The following TAFA2 variants were observed in gnomAD, a reference collection of about 807,000 sequenced individuals.
TAFA2 encodes chemokine-like protein TAFA-2.
Under a neutral mutation model 18.8 loss-of-function variants are expected in TAFA2, and 7 were observed. That is an observed-to-expected ratio of 0.37 (90% CI 0.21 to 0.70). TAFA2 has a LOEUF of 0.70. Ranked by LOEUF, TAFA2 falls within the 30% of genes least tolerant of loss-of-function variation. TAFA2 has a pLI of 0.53. For synonymous variants in TAFA2, 60 were observed against 54.2 expected, an observed-to-expected ratio of 1.11 and a Z score of -0.47; for missense variants, 122 against 158.1, an observed-to-expected ratio of 0.77 and a Z score of 1.23.
intron 1 of TAFA2, among the ~76,000 whole-genome samples, chr12:62,015,289 C>T (rs1436755334): frequency 6.6e-6 from 1 of 152,130 alleles, no homozygotes; most frequent in African/African-American, 2.4e-5. Flanking sequence ...TGCACCATTG[C>T]ACAGCCAGCA....
At chr12:61,717,297 G>A (rs1306741853) in intron 4 of TAFA2, among the ~76,000 whole-genome samples, 3 of 152,182 alleles carry the variant, frequency 2.0e-5, no homozygotes, top group South Asian at 4.1e-4. Flanking sequence ...ATTCACGCAT[G>A]AGCAAGCTGA....
chr12:62,190,638 C>T (rs1363244454), intron 1 of TAFA2, among the ~76,000 whole-genome samples: 2 of 152,198 alleles, frequency 1.3e-5, no homozygotes, highest in Non-Finnish European at 2.9e-5. Context: ...AGCGCCCCGT[C>T]CCAAATCTAA....
intron 2 of TAFA2, among the ~76,000 whole-genome samples, chr12:61,832,424 C>G (rs1872754481): frequency 6.6e-6 from 1 of 152,052 alleles, no homozygotes; most frequent in Non-Finnish European, 1.5e-5. Flanking sequence ...CCAGACCAGG[C>G]ACTAGACATG....
chr12:62,095,222 G>A (rs1868897283), intron 1 of TAFA2, among the ~76,000 whole-genome samples: 1 of 152,070 alleles, frequency 6.6e-6, no homozygotes, highest in Non-Finnish European at 1.5e-5. Flanking sequence ...GAAATGCAAG[G>A]TCTTTGAGCA....
At chr12:62,160,770 A>G (rs143238291) in intron 1 of TAFA2, among the ~76,000 whole-genome samples, 7 of 152,252 alleles carry the variant, frequency 4.6e-5, no homozygotes, top group Admixed American at 6.5e-5. Context: ...TATACCCATT[A>G]GGTAAATCAT....
At chr12:61,909,700 G>A (rs1435722160) in intron 1 of TAFA2, among the ~76,000 whole-genome samples, 1 of 152,136 alleles carries the variant, frequency 6.6e-6, no homozygotes, top group African/African-American at 2.4e-5. Context: ...TTCTAGAATA[G>A]GGAAACCAGG....
intron 1 of TAFA2, among the ~76,000 whole-genome samples, chr12:61,962,953 CT>C (rs1220345299): frequency 2.0e-5 from 3 of 152,034 alleles, no homozygotes; most frequent in African/African-American, 7.2e-5. Flanking sequence ...CCAACTCTCA[CT>C]TATGAATGAG....
Position 61,724,824 on chromosome 12 carries a change from G to A in TAFA2, c.385-14407C>T, listed in dbSNP as rs546526156. 4.2e-3 allele frequency among the ~76,000 whole-genome samples: 623 copies of A among 146,870 alleles called. 2 individuals carry two copies. Among genetic ancestry groups the A allele is most frequent in the African/African-American group, 0.015 (597 of 40,192 alleles). ...GTGTATACACCAGATGGGTGTATAT[G>A]TATATACACCCAGTAGTGAGATTGC... On this transcript the variant is annotated intron_variant, in intron 4 of 4. Coordinates refer to ENST00000416284, the MANE Select transcript of TAFA2 (RefSeq NM_178539.5).
intron 1 of TAFA2, among the ~76,000 whole-genome samples, chr12:62,029,324 C>T (rs1565721614): frequency 6.6e-6 from 1 of 152,096 alleles, no homozygotes. Context: ...ACAGATTTAA[C>T]TACATGTTAT....
intron 1 of TAFA2, among the ~76,000 whole-genome samples, chr12:61,914,750 T>C (rs1876750092): frequency 6.6e-6 from 1 of 152,166 alleles, no homozygotes; most frequent in Non-Finnish European, 1.5e-5. Context: ...AGGCAAGACA[T>C]CTGGAGTTGA....
intron 2 of TAFA2, among the ~76,000 whole-genome samples, chr12:61,813,890 A>G (rs1276772895): frequency 1.3e-5 from 2 of 151,530 alleles, no homozygotes; most frequent in African/African-American, 2.5e-5. Flanking sequence ...CATAAAGTAT[A>G]TAATACACTC....
intron 2 of TAFA2, among the ~76,000 whole-genome samples, chr12:61,841,972 C>A (rs1004388741): frequency 1.3e-5 from 2 of 151,984 alleles, no homozygotes; most frequent in Non-Finnish European, 1.5e-5. Flanking sequence ...AGAGCCCAGA[C>A]AAACCGTCAT....
chr12:61,916,241 G>A (rs1050235399), intron 1 of TAFA2, among the ~76,000 whole-genome samples: 1 of 152,154 alleles, frequency 6.6e-6, no homozygotes, highest in African/African-American at 2.4e-5. Context: ...AATTCTTGGG[G>A]TCTGATAGAT....
At chr12:61,722,590 T>G (rs1187701590) in intron 4 of TAFA2, among the ~76,000 whole-genome samples, 1 of 152,212 alleles carries the variant, frequency 6.6e-6, no homozygotes, top group African/African-American at 2.4e-5. Context: ...GCGAGTCGCA[T>G]ATGGAGAAAT....
At chr12:62,042,758 C>T (rs1382811941) in intron 1 of TAFA2, among the ~76,000 whole-genome samples, 3 of 152,188 alleles carry the variant, frequency 2.0e-5, no homozygotes, top group African/African-American at 4.8e-5. Flanking sequence ...CATATCATCT[C>T]AATGCCTGCC....
chr12:61,876,824 T>C (rs989771258), intron 1 of TAFA2, among the ~76,000 whole-genome samples: 116 of 152,304 alleles, frequency 7.6e-4, no homozygotes, highest in African/African-American at 2.5e-3. Context: ...GAATTCACAC[T>C]TCTCTCTGAG....
chr12:61,901,762 T>G (rs1441661247), intron 1 of TAFA2, among the ~76,000 whole-genome samples: 1 of 152,160 alleles, frequency 6.6e-6, no homozygotes, highest in Non-Finnish European at 1.5e-5. Flanking sequence ...ATTATCTGTC[T>G]CACACAACAT....
chr12:61,871,118 G>T (rs1465281104), intron 1 of TAFA2, among the ~76,000 whole-genome samples: 1 of 152,096 alleles, frequency 6.6e-6, no homozygotes, highest in African/African-American at 2.4e-5. Context: ...AGTCGGGGGG[G>T]CATGCAACAA....
At chr12:62,183,871 G>A (rs950011416) in intron 1 of TAFA2, among the ~76,000 whole-genome samples, 2 of 152,138 alleles carry the variant, frequency 1.3e-5, no homozygotes, top group Non-Finnish European at 1.5e-5. Flanking sequence ...CTAGTTGATC[G>A]AACTAATTTT....
Sources: gnomAD v4.1 joint callset for allele counts (sites outside exome capture counted in the v4.1 genomes callset) on GRCh38, gnomAD v4.1.1 for gene constraint, MANE v1.5 for transcripts, NCBI Gene and HGNC (gene_info 2026-07-23, HGNC 2026-07-21) for gene names.